The following TEX14 variants were observed in gnomAD, a reference collection of about 807,000 sequenced individuals.
TEX14 encodes testis expressed 14, intercellular bridge forming factor, also known as inactive serine/threonine-protein kinase TEX14.
TEX14 carries 168 observed loss-of-function variants against 178.6 expected under a neutral mutation model. The ratio of observed to expected loss-of-function variants is 0.94; its 90% CI spans 0.83 to 1.07. The LOEUF is 1.07. Among genes scored for constraint, TEX14 ranks in the 50% least tolerant of loss-of-function variants. The pLI is 0.00. For missense variants in TEX14, 1,730 were observed against 1,753.6 expected, an observed-to-expected ratio of 0.99 and a Z score of 0.24; for synonymous variants, 626 against 634.1, an observed-to-expected ratio of 0.99 and a Z score of 0.19.
At chr17:58,637,493 T>C (rs944400110) in intron 2 of TEX14, among the ~76,000 whole-genome samples, 3 of 152,170 alleles carry the variant, frequency 2.0e-5, no homozygotes, top group African/African-American at 7.2e-5. Flanking sequence ...GAAGGTTAAA[T>C]TGATCACCAA....
rs1271007913 is a variant in TEX14, at chr17:58,617,606, A to G, written c.568T>C (p.Ser190Pro). The G allele has an allele frequency of 6.2e-7, 1 of 1,612,492 alleles. No individual in the cohort carries two copies. Among genetic ancestry groups the G allele is most frequent in the Non-Finnish European group, 8.5e-7 (1 of 1,178,860 alleles). The change falls in exon 6 of 32, where the codon TCT becomes CCT. Residue 190 changes from serine to proline, a missense_variant. Physicochemically the swap from Ser to Pro is moderately conservative, Grantham distance 74. This residue lies in a region of TEX14 where 789 missense variants were observed against 681.2 expected (regional missense o/e 1.16). Transcript: ENST00000349033. The stretch of plus-strand genomic sequence containing the variant: ...CCAGCTTTAAGCAGTCGGTTAGGAG[A>G]GCCATTAGGGTTTCTAGAAATATTT... ...GGLVQGNPNG[S>P]PNRLLKAGVI...
intron 26 of TEX14, among the ~76,000 whole-genome samples, chr17:58,568,669 A>T (rs1469461872): frequency 2.0e-5 from 3 of 152,210 alleles, no homozygotes; most frequent in Non-Finnish European, 2.9e-5. Context: ...CTGCAAATAA[A>T]ATTTGGTTGG....
intron 1 of TEX14, among the ~76,000 whole-genome samples, chr17:58,691,557 C>T (rs765617119): frequency 1.1e-4 from 16 of 151,032 alleles, no homozygotes; most frequent in Admixed American, 6.0e-4. Flanking sequence ...ATCCCAGGTA[C>T]TCAAGAGGCT....
chr17:58,613,413 C>A lies in TEX14; in HGVS notation c.1005+8G>T. On this transcript the variant is annotated splice_region_variant and intron_variant, in intron 9 of 31. Transcript: ENST00000349033. Reference sequence around the variant, plus strand: ...AGCAATGGAAAATCCACGGAAACAGCAGTTTACTCGTTCATGAAGGACACT... The same window carrying A: ...AGCAATGGAAAATCCACGGAAACAGAAGTTTACTCGTTCATGAAGGACACT... 6.2e-7 allele frequency: 1 copy of A among 1,613,866 alleles called. No homozygotes were observed. Among genetic ancestry groups the A allele is most frequent in the South Asian group, 1.1e-5 (1 of 91,044 alleles).
chr17:58,639,940 T>G (rs1188871597), intron 2 of TEX14, among the ~76,000 whole-genome samples: 1 of 152,154 alleles, frequency 6.6e-6, no homozygotes, highest in Non-Finnish European at 1.5e-5. Context: ...CTTCTTAAAT[T>G]TTTAAGATAA....
chr17:58,659,236 AGT>A (rs200195017), intron 1 of TEX14: 5 of 456,176 alleles, frequency 1.1e-5, no homozygotes, highest in Non-Finnish European at 9.8e-6. Flanking sequence ...GCAAACACAT[AGT>A]AAAAACCCTC....
chr17:58,574,139 C>T, intron 22 of TEX14, 48 bp downstream of exon 22: 1 of 1,471,538 alleles, frequency 6.8e-7, no homozygotes, highest in Non-Finnish European at 9.5e-7. Context: ...TCCCTTAAAA[C>T]CAAGACTTTA....
chr17:58,576,745 C>A (rs1333443540), intron 21 of TEX14, among the ~76,000 whole-genome samples: 1 of 152,132 alleles, frequency 6.6e-6, no homozygotes, highest in East Asian at 1.9e-4. Flanking sequence ...TTTGTCATTT[C>A]AAGAATGTTA....
chr17:58,598,775 T>A, intron 14 of TEX14, 101 bp downstream of exon 14: 1 of 1,132,400 alleles, frequency 8.8e-7, no homozygotes, highest in Non-Finnish European at 1.3e-6. Flanking sequence ...CTCTGACTGA[T>A]CCCCAGTGTT....
rs1439464038 is a variant in TEX14 at position 58,573,224 on chromosome 17, T to C, written c.3468A>G (p.Lys1156=). 1 of 1,614,038 alleles carries C rather than the reference T, an allele frequency of 6.2e-7. No homozygotes were observed. The highest frequency in any genetic ancestry group is 1.7e-5 in the Admixed American group (1 of 60,010). The stretch of plus-strand genomic sequence containing the variant: ...TGACACTGGTAGGTGCATGGTTTAT[T>C]TTGGGTGTTTTGCATGAAGCTTCCT... ...SFKEASCKTP[K]INHAPTSVST... The change falls in exon 23 of 32, where the codon AAA becomes AAG. Residue 1156 remains lysine (K), a synonymous_variant. Transcript: ENST00000349033.
intron 19 of TEX14, among the ~76,000 whole-genome samples, chr17:58,580,620 T>C (rs1170856587): frequency 3.3e-5 from 5 of 152,184 alleles, no homozygotes; most frequent in African/African-American, 1.2e-4. Flanking sequence ...TGAAATTACA[T>C]CTTTGATGCA....
chr17:58,654,815 C>T (rs1360356761), intron 1 of TEX14, among the ~76,000 whole-genome samples: 1 of 151,614 alleles, frequency 6.6e-6, no homozygotes, highest in Non-Finnish European at 1.5e-5. Flanking sequence ...CCAATAAACT[C>T]CCTTCTTTCC....
At chr17:58,642,535 T>A (rs533770308) in intron 2 of TEX14, among the ~76,000 whole-genome samples, 83 of 151,750 alleles carry the variant, frequency 5.5e-4, no homozygotes, top group African/African-American at 1.9e-3. Context: ...TTATTTTATT[T>A]ATTTTTTTTT....
chr17:58,635,053 A>G (rs2046403616), intron 2 of TEX14, among the ~76,000 whole-genome samples: 1 of 151,792 alleles, frequency 6.6e-6, no homozygotes, highest in African/African-American at 2.4e-5. Context: ...AATTGCTGGA[A>G]CCCGGAAGGT....
chr17:58,581,602 G>GT, intron 19 of TEX14: 19 of 1,612,828 alleles, frequency 1.2e-5, no homozygotes, highest in Non-Finnish European at 1.4e-5. Flanking sequence ...CCTGAACTGC[G>GT]TTTTTTACCT....
chr17:58,658,881 AG>A, intron 1 of TEX14, among the ~76,000 whole-genome samples: 1 of 152,032 alleles, frequency 6.6e-6, no homozygotes, highest in African/African-American at 2.4e-5. Context: ...TGGCTCATTA[AG>A]TCTCCATCTG....
intron 1 of TEX14, among the ~76,000 whole-genome samples, chr17:58,680,019 A>G (rs1357469573): frequency 6.6e-6 from 1 of 152,076 alleles, no homozygotes; most frequent in African/African-American, 2.4e-5. Flanking sequence ...AAGGTAAATA[A>G]CGTAAACTAG....
intron 1 of TEX14, among the ~76,000 whole-genome samples, chr17:58,660,187 C>T (rs982151153): frequency 2.0e-5 from 3 of 150,644 alleles, no homozygotes; most frequent in African/African-American, 7.3e-5. Context: ...GGTAGATCAC[C>T]TGAGGTCAGG....
intron 2 of TEX14, among the ~76,000 whole-genome samples, chr17:58,644,730 C>A (rs148591897): frequency 6.7e-6 from 1 of 149,692 alleles, no homozygotes; most frequent in African/African-American, 2.5e-5. Context: ...CAACCTCCGC[C>A]CCCCCTGGTT....
Sources: gnomAD v4.1 joint callset for allele counts (sites outside exome capture counted in the v4.1 genomes callset) on GRCh38, gnomAD v4.1.1 for gene constraint, gnomAD v4.1.1 regional missense constraint, MANE v1.5 for transcripts, NCBI Gene and HGNC (gene_info 2026-07-23, HGNC 2026-07-21) for gene names.